Variants in LARP1B observed in about 807,000 individuals in gnomAD.
LARP1B encodes La ribonucleoprotein 1B, also known as la-related protein 1B.
Under a neutral mutation model 114.2 loss-of-function variants are expected in LARP1B, and 76 were observed. That is an observed-to-expected ratio of 0.67 (90% CI 0.55 to 0.81). The LOEUF is 0.81. Ranked by LOEUF, LARP1B falls within the 30% of genes least tolerant of loss-of-function variation. LARP1B has a pLI of 0.00. For synonymous variants in LARP1B, 345 were observed against 348.0 expected (o/e 0.99, Z 0.10); for missense variants, 1,014 against 1,075.8 (o/e 0.94, Z 0.80).
At chr4:128,095,489 CAAAA>C (rs11311661) in intron 7 of LARP1B, among the ~76,000 whole-genome samples, 4 of 61,266 alleles carry the variant, frequency 6.5e-5, no homozygotes, top group Non-Finnish European at 9.9e-5. Flanking sequence ...AACTCCATCT[CAAAA>C]AAAAAAAAAA....
At chr4:128,073,587 T>TTG (rs1766482643) in intron 1 of LARP1B, among the ~76,000 whole-genome samples, 15 of 29,714 alleles carry the variant, frequency 5.0e-4, no homozygotes, top group Non-Finnish European at 8.2e-4. Flanking sequence ...TTTTTTTTTT[T>TTG]TTTTTTTTTT....
intron 7 of LARP1B, chr4:128,093,082 A>G (rs1776447499): frequency 1.0e-6 from 1 of 975,194 alleles, no homozygotes. Flanking sequence ...CAGACATGGC[A>G]TTGGTCATGC....
intron 17 of LARP1B, among the ~76,000 whole-genome samples, chr4:128,204,018 C>G (rs1756837510): frequency 6.6e-6 from 1 of 152,078 alleles, no homozygotes; most frequent in Non-Finnish European, 1.5e-5. Flanking sequence ...AGCAGTTATG[C>G]TGTGTATTTG....
rs150131788 is a variant in LARP1B at position 128,172,466 on chromosome 4, G to A, written c.1649-4406G>A. 5.8e-3 allele frequency among the ~76,000 whole-genome samples: 880 copies of A among 152,248 alleles called. 11 individuals are homozygous for A. Among genetic ancestry groups the A allele is most frequent in the African/African-American group, 0.02 (821 of 41,538 alleles). ...CCAGCACTTTGGGAGGCCAAGGCGG[G>A]TGTATCACCTGAGGTCAGGAGTTCG... On this transcript the variant is annotated intron_variant, in intron 12 of 19. Coordinates refer to ENST00000326639, the MANE Select transcript of LARP1B (RefSeq NM_018078.4).
At chr4:128,203,362 C>T (rs1372203781) in intron 17 of LARP1B, among the ~76,000 whole-genome samples, 1 of 107,754 alleles carries the variant, frequency 9.3e-6, no homozygotes, top group Non-Finnish European at 1.8e-5. Context: ...TTTCTTTTTC[C>T]TCCCTCCCTC....
intron 12 of LARP1B, among the ~76,000 whole-genome samples, chr4:128,166,275 A>T (rs1265991473): frequency 1.3e-5 from 2 of 151,802 alleles, no homozygotes; most frequent in African/African-American, 4.8e-5. Context: ...TATCTTATTT[A>T]TTGGAAAGTT....
At chr4:128,205,545 T>C (rs1757340143) in intron 17 of LARP1B, among the ~76,000 whole-genome samples, 1 of 152,208 alleles carries the variant, frequency 6.6e-6, no homozygotes, top group South Asian at 2.1e-4. Flanking sequence ...CTCATTTACG[T>C]AGTGATTATA....
intron 15 of LARP1B, among the ~76,000 whole-genome samples, chr4:128,190,338 A>T (rs1482304020): frequency 6.6e-6 from 1 of 150,966 alleles, no homozygotes; most frequent in Non-Finnish European, 1.5e-5. Flanking sequence ...ATGTTCTTTT[A>T]TTTTTTTTCT....
chr4:128,073,891 A>G (rs1218194055), intron 1 of LARP1B, among the ~76,000 whole-genome samples: 2 of 148,224 alleles, frequency 1.3e-5, no homozygotes. Context: ...GGCCCAGCCT[A>G]TATTCTGTTA....
intron 11 of LARP1B, chr4:128,156,042 C>T: frequency 1.3e-6 from 2 of 1,583,262 alleles, no homozygotes; most frequent in Non-Finnish European, 1.7e-6. Context: ...TGCACACCCC[C>T]AAGCTCATGA....
At chr4:128,161,674 T>C (rs563671716) in intron 11 of LARP1B, among the ~76,000 whole-genome samples, 10 of 152,272 alleles carry the variant, frequency 6.6e-5, no homozygotes, top group African/African-American at 2.4e-4. Flanking sequence ...TCTCATTACC[T>C]ATTTAGAATG....
intron 5 of LARP1B, among the ~76,000 whole-genome samples, chr4:128,084,135 C>G (rs1214669698): frequency 1.3e-5 from 2 of 151,420 alleles, no homozygotes; most frequent in East Asian, 3.9e-4. Flanking sequence ...TTCTCACTTT[C>G]CAGACTGGGC....
chr4:128,097,582 C>T (rs1258321415), intron 7 of LARP1B, among the ~76,000 whole-genome samples: 1 of 152,184 alleles, frequency 6.6e-6, no homozygotes, highest in African/African-American at 2.4e-5. Flanking sequence ...GCTGGGATTA[C>T]AGGCATCAGC....
intron 5 of LARP1B, among the ~76,000 whole-genome samples, chr4:128,086,862 G>A (rs542317214): frequency 9.9e-5 from 15 of 151,820 alleles, no homozygotes; most frequent in African/African-American, 2.7e-4. Context: ...GTGCAGTGGC[G>A]CGATTTTGGC....
In LARP1B at chr4:128,077,909, CT is replaced by C; in HGVS notation, c.165del (p.Gly56ValfsTer28). The C allele has an allele frequency of 6.2e-7, 1 of 1,613,268 alleles. No individual in the cohort carries two copies. The highest frequency in any genetic ancestry group is 8.5e-7 in the Non-Finnish European group (1 of 1,179,738). On this transcript the variant is annotated frameshift_variant, in exon 4 of 20. Coordinates refer to ENST00000326639, the MANE Select transcript of LARP1B (RefSeq NM_018078.4). LOFTEE classifies it high-confidence loss of function. ...AACCGGGAAACAAAATTAAATGGTC[CT>C]GGTGAAAACGTCAGTGAGGATGAGG... is the stretch of plus-strand genomic sequence containing the variant. ...KENRETKLNG[P>X]GENVSEDEAQ... is the part of the protein sequence containing the mutation.
chr4:128,122,061 G>C lies in LARP1B; in HGVS notation c.1397G>C (p.Arg466Pro). The change falls in exon 11 of 20, where the codon CGA becomes CCA. Residue 466 changes from arginine (R) to proline (P), a missense_variant. Coordinates refer to ENST00000326639, the MANE Select transcript of LARP1B (RefSeq NM_018078.4). ...GTGAAAAAACATCCTGGAGGAGATC[G>C]AACAGGCACCCACATGTCTCGGGCA... ...PYVKKHPGGDRTGTHMSRAKI... is the reference protein window; with the variant it reads ...PYVKKHPGGDPTGTHMSRAKI... The C allele has an allele frequency of 1.9e-6, 3 of 1,614,022 alleles. No individual in the cohort carries two copies. Among genetic ancestry groups the C allele is most frequent in the Non-Finnish European group, 2.5e-6 (3 of 1,179,984 alleles).
At chr4:128,135,000 G>A (rs1345091263) in intron 11 of LARP1B, among the ~76,000 whole-genome samples, 1 of 152,090 alleles carries the variant, frequency 6.6e-6, no homozygotes, top group Non-Finnish European at 1.5e-5. Context: ...CATTCAGGAG[G>A]CTGAGGCAGG....
chr4:128,098,767 A>AT lies in LARP1B; in HGVS notation c.813+465dup, dbSNP rs869184167. ...TATGTGTATATATATATATATATAT[A>AT]TTTTTTTTTTTTTTTTTTTTTTTTT... On this transcript the variant is annotated intron_variant, in intron 8 of 19. Transcript: ENST00000326639. Among the ~76,000 whole-genome samples the AT allele has an allele frequency of 7.1e-4, 25 of 35,028 alleles. 2 individuals are homozygous for AT. The highest frequency in any genetic ancestry group is 8.7e-4 in the Non-Finnish European group (18 of 20,776). The allele number at this position is 35,028 out of a possible 152,430, so 23.0% of individuals were successfully genotyped here. A position where few individuals can be genotyped will look rare whatever the true frequency, so the allele number is the denominator to read the frequency against.
chr4:128,200,977 A>G (rs1188469127), intron 17 of LARP1B, among the ~76,000 whole-genome samples: 1 of 152,224 alleles, frequency 6.6e-6, no homozygotes, highest in Non-Finnish European at 1.5e-5. Flanking sequence ...ATGGTTTCTC[A>G]TGAGCTTGCA....
Sources: allele counts gnomAD v4.1 joint callset (sites outside exome capture counted in the v4.1 genomes callset), GRCh38; gene constraint gnomAD v4.1.1; transcripts MANE v1.5; gene names NCBI Gene and HGNC (gene_info 2026-07-23, HGNC 2026-07-21).